RNMT: variants seen among roughly 807,000 people sequenced by gnomAD.
RNMT encodes mRNA cap guanine-N(7) methyltransferase.
RNMT carries 27 observed loss-of-function variants against 56.0 expected under a neutral mutation model. That is an observed-to-expected ratio of 0.48 (90% CI 0.36 to 0.67). The LOEUF is 0.67. Among genes scored for constraint, RNMT ranks in the 30% least tolerant of loss-of-function variants. The pLI is 0.00. For synonymous variants in RNMT, 184 were observed against 176.2 expected, an observed-to-expected ratio of 1.04 and a Z score of -0.35; for missense variants, 519 against 552.1, an observed-to-expected ratio of 0.94 and a Z score of 0.60.
intron 9 of RNMT, 163 bp from the exon 10 acceptor site, chr18:13,752,163 T>C (rs899324955): frequency 3.3e-5 from 19 of 573,398 alleles, no homozygotes; most frequent in Non-Finnish European, 5.5e-5. Flanking sequence ...ATTCTTCCTT[T>C]TTTTTAATTT....
At chr18:13,753,846 C>CACACACAT (rs1199716852) in intron 10 of RNMT, among the ~76,000 whole-genome samples, 2 of 151,330 alleles carry the variant, frequency 1.3e-5, no homozygotes, top group African/African-American at 4.9e-5. Flanking sequence ...CACACACACA[C>CACACACAT]ACACAATGCC....
Position 13,760,310 on chromosome 18 carries a change from T to C in RNMT, c.*331T>C, listed in dbSNP as rs1240286635. On this transcript the variant is annotated 3_prime_UTR_variant, in exon 12 of 12. Coordinates refer to ENST00000383314, the MANE Select transcript of RNMT (RefSeq NM_003799.3). ...ACTCTTTCCACAGTGTTCAGATTTG[T>C]CCTGTGTGTGTTTACAGTATTCAAT... 2 of 1,056,816 alleles carry C rather than the reference T, an allele frequency of 1.9e-6. No homozygotes were observed. Among genetic ancestry groups the C allele is most frequent in the Non-Finnish European group, 2.3e-6 (2 of 874,972 alleles). The allele number at this position is 1,056,816 out of a possible 1,614,324, so 65.5% of individuals were successfully genotyped here.
chr18:13,753,252 A>G (rs1172308678), intron 10 of RNMT, among the ~76,000 whole-genome samples: 2 of 151,992 alleles, frequency 1.3e-5, no homozygotes, highest in East Asian at 3.9e-4. Flanking sequence ...GTGGATCATG[A>G]GGTCAGGAAA....
intron 10 of RNMT, 42 bp from the exon 11 acceptor site, chr18:13,754,072 A>C: frequency 8.9e-7 from 1 of 1,129,620 alleles, no homozygotes; most frequent in African/African-American, 1.5e-5. Context: ...GTTTACTTCC[A>C]TATTGAATCT....
At chr18:13,759,897 T>C (rs1312049231) in intron 11 of RNMT, 45 bp from the exon 12 acceptor site, 1 of 1,500,154 alleles carries the variant, frequency 6.7e-7, no homozygotes, top group South Asian at 1.1e-5. Flanking sequence ...GTTTTATTTA[T>C]TGTAATCATA....
Position 13,762,206 on chromosome 18 carries a change from A to G in RNMT, c.*2227A>G, listed in dbSNP as rs1449724015. ...ACCTAACCAGCTATTGGTGGGAATG[A>G]CGGAACTGGGGATTGCGATGATTGA... On this transcript the variant is annotated 3_prime_UTR_variant, in exon 12 of 12. Transcript: ENST00000383314. The G allele has an allele frequency of 1.3e-6, 2 of 1,491,730 alleles. No homozygotes were observed. The highest frequency in any genetic ancestry group is 1.8e-6 in the Non-Finnish European group (2 of 1,123,262). 92.4% of individuals were successfully genotyped at this position (1,491,730 alleles called of 1,614,324 possible).
At chr18:13,750,370 C>CT (rs1393392163) in intron 9 of RNMT, among the ~76,000 whole-genome samples, 1 of 151,560 alleles carries the variant, frequency 6.6e-6, no homozygotes, top group Non-Finnish European at 1.5e-5. Flanking sequence ...TTTATGACAT[C>CT]TTTAAGCTTT....
intron 6 of RNMT, 31 bp from the exon 7 acceptor site, chr18:13,741,479 C>CA: frequency 6.5e-7 from 1 of 1,548,500 alleles, no homozygotes. Context: ...GTAGTTACCT[C>CA]ACAATCTTAA....
chr18:13,742,779 TTGTTTTTG>T, intron 8 of RNMT, 127 bp downstream of exon 8: 2 of 728,756 alleles, frequency 2.7e-6, no homozygotes, highest in Non-Finnish European at 2.1e-6. Flanking sequence ...TCTTGTTTTT[TTGTTTTTG>T]TGTTTTTAAA....
At chr18:13,735,647 G>T (rs2044146262) in intron 4 of RNMT, among the ~76,000 whole-genome samples, 1 of 151,200 alleles carries the variant, frequency 6.6e-6, no homozygotes, top group Admixed American at 6.6e-5. Flanking sequence ...GATTTTTTAT[G>T]AATACTTATT....
At chr18:13,759,828 C>G in intron 11 of RNMT, 114 bp from the exon 12 acceptor site, 1 of 820,448 alleles carries the variant, frequency 1.2e-6, no homozygotes, top group Admixed American at 2.3e-5. Context: ...GGGGATTTTC[C>G]TCTTCAGAAG....
chr18:13,757,628 C>T (rs1044913808), intron 11 of RNMT, among the ~76,000 whole-genome samples: 1 of 152,166 alleles, frequency 6.6e-6, no homozygotes, highest in Admixed American at 6.5e-5. Flanking sequence ...TTGTTGTTGC[C>T]ATCCCGTCTG....
At position 13,760,541 on chromosome 18, in the gene RNMT, T is replaced by C; in HGVS notation, c.*562T>C. The C allele has an allele frequency of 4.1e-6, 4 of 985,838 alleles. 1 individual carries two copies. In the South Asian group the frequency reaches 1.9e-4, roughly 46 times the overall value. 61.1% of individuals were successfully genotyped at this position (985,838 alleles called of 1,614,324 possible). A position where few individuals can be genotyped will look rare whatever the true frequency, so the allele number is the denominator to read the frequency against. The stretch of plus-strand genomic sequence containing the variant: ...AAAATTTTAGCAATTTATTGCATTT[T>C]GAAATAATCATTAACATGCTGCAAT... On this transcript the variant is annotated 3_prime_UTR_variant, in exon 12 of 12. Transcript: ENST00000383314.
Position 13,746,314 on chromosome 18 carries a change from T to C in RNMT, c.1234T>C (p.Leu412=). 2 of 1,558,026 alleles carry C rather than the reference T, an allele frequency of 1.3e-6. No individual in the cohort carries two copies. Among genetic ancestry groups the C allele is most frequent in the Non-Finnish European group, 1.7e-6 (2 of 1,143,200 alleles). Residue 412 remains leucine, a synonymous_variant, in exon 9 of 12, where the codon TTA becomes CTA. Coordinates refer to ENST00000383314, the MANE Select transcript of RNMT (RefSeq NM_003799.3). ...TAAGAACAATGAAAATAAAATGCTC[T>C]TAAAACGAATGCAGGCCTTGGAGGT... is the stretch of plus-strand genomic sequence containing the variant. ...KIKNNENKML[L]KRMQALEPYP... is the part of the protein sequence containing the mutation.
At position 13,742,598 on chromosome 18, in the gene RNMT, T is replaced by TG; in HGVS notation, c.1087dup (p.Glu363GlyfsTer8). On this transcript the variant is annotated frameshift_variant, in exon 8 of 12. Coordinates refer to ENST00000383314, the MANE Select transcript of RNMT (RefSeq NM_003799.3). LOFTEE classifies it high-confidence loss of function. ...TTTGGCTGCAAATATGACTTCAACTTGGAAGGTGTTGTGGATGTTCCTGAA... is the reference window on the plus strand; with the variant it reads ...TTTGGCTGCAAATATGACTTCAACTTGGGAAGGTGTTGTGGATGTTCCTGAA... 1 of 1,613,828 alleles carries TG rather than the reference T, an allele frequency of 6.2e-7. No individual in the cohort carries two copies. Among genetic ancestry groups the TG allele is most frequent in the Non-Finnish European group, 8.5e-7 (1 of 1,179,820 alleles).
At chr18:13,749,004 G>A (rs2044396872) in intron 9 of RNMT, among the ~76,000 whole-genome samples, 1 of 152,158 alleles carries the variant, frequency 6.6e-6, no homozygotes, top group South Asian at 2.1e-4. Flanking sequence ...ACTTGAACCC[G>A]GGAGGTGGAG....
At chr18:13,744,159 C>CTTTTTTTTTTTT (rs201093998) in intron 8 of RNMT, among the ~76,000 whole-genome samples, 2,091 of 91,068 alleles carry the variant, frequency 0.023, 398 homozygotes, top group Non-Finnish European at 0.033. Flanking sequence ...TAGCGGTCTT[C>CTTTTTTTTTTTT]TTTTTTTTTT....
rs758917066 is a variant in RNMT at position 13,741,670 on chromosome 18, C to G, written c.953C>G (p.Thr318Ser). 1.9e-6 allele frequency: 3 copies of G among 1,606,426 alleles called. No homozygotes were observed. In the Admixed American group the frequency reaches 5.1e-5, roughly 27 times the overall value. The change falls in exon 7 of 12, where the codon ACT becomes AGT. Residue 318 changes from threonine to serine, a missense_variant. Transcript: ENST00000383314. Reference protein sequence around the residue: ...LSPGGYFIGTTPNSFELIRRL... With the variant: ...LSPGGYFIGTSPNSFELIRRL... ...CCTGGGGGCTATTTTATTGGTACTA[C>G]TCCCAATAGCTTTGAATTGATGTAA... is the stretch of plus-strand genomic sequence containing the variant.
intron 1 of RNMT, among the ~76,000 whole-genome samples, chr18:13,728,245 C>T (rs990193362): frequency 1.3e-5 from 2 of 150,320 alleles, no homozygotes; most frequent in Non-Finnish European, 3.0e-5. Flanking sequence ...TTTACGTTCT[C>T]CCTAACAGTG....
Sources: gnomAD v4.1 joint callset for allele counts (sites outside exome capture counted in the v4.1 genomes callset) on GRCh38, gnomAD v4.1.1 for gene constraint, MANE v1.5 for transcripts, NCBI Gene and HGNC (gene_info 2026-07-23, HGNC 2026-07-21) for gene names.